The following MATCAP2 variants were observed in gnomAD, a reference collection of about 807,000 sequenced individuals.
MATCAP2 encodes the protein putative tyrosine carboxypeptidase MATCAP2.
chr7:36,380,388 G>A, the MATCAP2 span, among the ~76,000 whole-genome samples: 3 of 152,190 alleles, frequency 2.0e-5, no homozygotes, highest in South Asian at 2.1e-4. Context: ...AATGGATTCT[G>A]AGCAACATTA....
At chr7:36,361,022 G>A in the MATCAP2 span, among the ~76,000 whole-genome samples, 12,286 of 152,054 alleles carry the variant, frequency 0.081, 664 homozygotes, top group East Asian at 0.16. Context: ...GAAGAAAATC[G>A]TTCACCCCAA....
At chr7:36,333,806 C>T in the MATCAP2 span, 4 of 1,426,100 alleles carry the variant, frequency 2.8e-6, no homozygotes, top group Non-Finnish European at 3.8e-6. Context: ...AACAAAATCA[C>T]TAGACAACTA....
chr7:36,351,076 T>C, the MATCAP2 span, among the ~76,000 whole-genome samples: 1 of 152,176 alleles, frequency 6.6e-6, no homozygotes, highest in East Asian at 1.9e-4. Context: ...CATAATGAAG[T>C]TGGTCCACAT....
the MATCAP2 span, among the ~76,000 whole-genome samples, chr7:36,334,556 A>G: frequency 6.6e-6 from 1 of 150,972 alleles, no homozygotes; most frequent in Admixed American, 6.6e-5. Context: ...AAAAAAAAAA[A>G]AAAAAAAAAT....
the MATCAP2 span, among the ~76,000 whole-genome samples, chr7:36,342,216 G>A: frequency 6.7e-6 from 1 of 148,916 alleles, no homozygotes; most frequent in African/African-American, 2.5e-5. Context: ...GTCTCATCCT[G>A]TTGTCCAGGC....
the MATCAP2 span, among the ~76,000 whole-genome samples, chr7:36,378,478 A>T: frequency 6.6e-6 from 1 of 152,210 alleles, no homozygotes; most frequent in South Asian, 2.1e-4. Flanking sequence ...GCTTTGTCTC[A>T]GAGGGGCACC....
chr7:36,353,843 T>A, the MATCAP2 span, among the ~76,000 whole-genome samples: 150 of 152,228 alleles, frequency 9.9e-4, 1 homozygote, highest in African/African-American at 3.3e-3. Context: ...TTTTCTTTAT[T>A]AGAATAAAGA....
the MATCAP2 span, among the ~76,000 whole-genome samples, chr7:36,334,528 C>A: frequency 1.0e-5 from 1 of 95,462 alleles, no homozygotes; most frequent in East Asian, 3.5e-4. Flanking sequence ...AGACCGAGAT[C>A]CCATCTCAAA....
At chr7:36,360,827 TAA>T in the MATCAP2 span, among the ~76,000 whole-genome samples, 16 of 152,164 alleles carry the variant, frequency 1.1e-4, no homozygotes, top group Admixed American at 2.0e-4. Flanking sequence ...CCTGAAAAAT[TAA>T]AACATTTTAA....
chr7:36,337,438 T>C, the MATCAP2 span, among the ~76,000 whole-genome samples: 1 of 152,058 alleles, frequency 6.6e-6, no homozygotes, highest in Non-Finnish European at 1.5e-5. Context: ...CAAAGGCCTT[T>C]TGGGAAAAAA....
At chr7:36,336,161 A>G in the MATCAP2 span, 1 of 1,535,306 alleles carries the variant, frequency 6.5e-7, no homozygotes, top group Non-Finnish European at 8.7e-7. Context: ...TACCTCCCCT[A>G]GGCAGCCTTC....
At chr7:36,360,697 T>C in the MATCAP2 span, among the ~76,000 whole-genome samples, 1 of 152,200 alleles carries the variant, frequency 6.6e-6, no homozygotes, top group Non-Finnish European at 1.5e-5. Flanking sequence ...GTTTTTGTAA[T>C]TTTAAATACT....
chr7:36,331,060 C>T, the MATCAP2 span: 1 of 1,611,664 alleles, frequency 6.2e-7, no homozygotes. Flanking sequence ...CCAAGTATAC[C>T]TGGTCTTTAC....
the MATCAP2 span, among the ~76,000 whole-genome samples, chr7:36,334,646 G>A: frequency 1.3e-5 from 2 of 151,764 alleles, no homozygotes; most frequent in African/African-American, 4.8e-5. Flanking sequence ...TGGGTGTGAA[G>A]GAGTACACTG....
the MATCAP2 span, among the ~76,000 whole-genome samples, chr7:36,370,673 G>A: frequency 6.6e-6 from 1 of 152,120 alleles, no homozygotes; most frequent in South Asian, 2.1e-4. Flanking sequence ...TAGAGACAGG[G>A]TTTTACCATG....
At chr7:36,383,846 T>C in the MATCAP2 span, 1 of 1,570,204 alleles carries the variant, frequency 6.4e-7, no homozygotes, top group Non-Finnish European at 8.7e-7. Flanking sequence ...AAGTGGCCCT[T>C]CAGCCAAATA....
chr7:36,367,636 G>T, the MATCAP2 span, among the ~76,000 whole-genome samples: 1 of 152,234 alleles, frequency 6.6e-6, no homozygotes, highest in African/African-American at 2.4e-5. Flanking sequence ...CCACTTGACG[G>T]TACCTCAGCA....
the MATCAP2 span, chr7:36,337,714 A>C: frequency 6.6e-6 from 1 of 152,168 alleles, no homozygotes; most frequent in African/African-American, 2.4e-5. Context: ...AGAGTAGAGC[A>C]AGGAGTTTGA....
chr7:36,366,184 C>T, the MATCAP2 span, among the ~76,000 whole-genome samples: 2 of 152,076 alleles, frequency 1.3e-5, no homozygotes, highest in African/African-American at 4.8e-5. Context: ...CTGCCAAAAC[C>T]CTGCTTGCAG....
Sources: allele counts gnomAD v4.1 joint callset (sites outside exome capture counted in the v4.1 genomes callset), GRCh38; gene constraint gnomAD v4.1.1; transcripts MANE v1.5; gene names NCBI Gene and HGNC (gene_info 2026-07-23, HGNC 2026-07-21).